AGBL1: variants seen among roughly 807,000 people sequenced by gnomAD.
AGBL1 encodes AGBL carboxypeptidase 1, also known as cytosolic carboxypeptidase 4.
In AGBL1, 130 loss-of-function variants were observed where a neutral mutation model predicts 118.9. The observed-to-expected ratio is 1.09, with a 90% CI of 0.95 to 1.26. AGBL1 has a LOEUF of 1.26. AGBL1 is among the 50% of genes most tolerant of loss of function. The pLI, the probability that AGBL1 is intolerant of heterozygous loss-of-function variation, is 0.00. For missense variants in AGBL1, 1,584 were observed against 1,298.1 expected, an observed-to-expected ratio of 1.22 and a Z score of -3.38; for synonymous variants, 555 against 478.9, an observed-to-expected ratio of 1.16 and a Z score of -2.08.
chr15:86,717,107 G>A (rs1437503192), intron 22 of AGBL1, among the ~76,000 whole-genome samples: 2 of 152,316 alleles, frequency 1.3e-5, no homozygotes, highest in Middle Eastern at 3.4e-3. Context: ...ATGGAAATAT[G>A]TCCTAGGTGA....
At chr15:86,484,267 A>T (rs769427549) in intron 18 of AGBL1, among the ~76,000 whole-genome samples, 10 of 152,070 alleles carry the variant, frequency 6.6e-5, no homozygotes, top group Non-Finnish European at 1.5e-4. Context: ...GATAGAGGAG[A>T]TGAATGAAGC....
intron 22 of AGBL1, among the ~76,000 whole-genome samples, chr15:86,765,935 G>A (rs16977964): frequency 0.089 from 13,455 of 151,918 alleles, 787 homozygotes; most frequent in Non-Finnish European, 0.12. Flanking sequence ...AGTTTAGTCA[G>A]CAACTATTTT....
intron 21 of AGBL1, among the ~76,000 whole-genome samples, chr15:86,621,939 C>T (rs928356300): frequency 1.3e-5 from 2 of 152,100 alleles, no homozygotes; most frequent in African/African-American, 4.8e-5. Flanking sequence ...CAGAGTAGGA[C>T]ATTTTTAGAG....
intron 22 of AGBL1, among the ~76,000 whole-genome samples, chr15:86,717,336 G>A (rs62031371): frequency 0.033 from 5,073 of 152,178 alleles, 107 homozygotes; most frequent in Middle Eastern, 0.054. Context: ...GGTCAGTGTG[G>A]AACATGACGA....
At chr15:86,111,173 A>G (rs938459494) in intron 1 of AGBL1, among the ~76,000 whole-genome samples, 3 of 152,228 alleles carry the variant, frequency 2.0e-5, no homozygotes, top group Non-Finnish European at 4.4e-5. Flanking sequence ...CCTAGAAGTC[A>G]GACTGTAAGT....
intron 1 of AGBL1, among the ~76,000 whole-genome samples, chr15:86,127,191 A>G (rs981816453): frequency 6.6e-6 from 1 of 152,200 alleles, no homozygotes; most frequent in Non-Finnish European, 1.5e-5. Flanking sequence ...TTATGAAGTA[A>G]TTCACTCAGA....
intron 16 of AGBL1, among the ~76,000 whole-genome samples, chr15:86,280,567 T>C (rs2079335681): frequency 6.6e-6 from 1 of 152,224 alleles, no homozygotes; most frequent in South Asian, 2.1e-4. Context: ...CAGTATCTTC[T>C]ATAAAGCACT....
At chr15:86,782,793 A>G (rs1197458867) in intron 22 of AGBL1, among the ~76,000 whole-genome samples, 1 of 152,242 alleles carries the variant, frequency 6.6e-6, no homozygotes, top group East Asian at 1.9e-4. Context: ...TTGCCTTGCA[A>G]TGGTAAAGCA....
intron 21 of AGBL1, among the ~76,000 whole-genome samples, chr15:86,629,690 G>A (rs1376149789): frequency 6.6e-6 from 1 of 152,030 alleles, no homozygotes; most frequent in African/African-American, 2.4e-5. Flanking sequence ...TGGCTTCTTG[G>A]CTCATTTCTG....
At chr15:86,423,373 C>T (rs1219826502) in intron 18 of AGBL1, among the ~76,000 whole-genome samples, 1 of 152,116 alleles carries the variant, frequency 6.6e-6, no homozygotes, top group African/African-American at 2.4e-5. Flanking sequence ...TAAAATTCAA[C>T]AACCTTTCAT....
chr15:86,899,051 G>A (rs1156434033), intron 22 of AGBL1, among the ~76,000 whole-genome samples: 1 of 152,086 alleles, frequency 6.6e-6, no homozygotes, highest in Non-Finnish European at 1.5e-5. Flanking sequence ...TATACCCAGA[G>A]GAATACAAAT....
At chr15:86,102,989 T>G (rs890625636) in intron 1 of AGBL1, among the ~76,000 whole-genome samples, 1 of 152,204 alleles carries the variant, frequency 6.6e-6, no homozygotes. Flanking sequence ...ATATGTCATG[T>G]AGGGTTTGTT....
intron 7 of AGBL1, 72 bp from the exon 8 acceptor site, chr15:86,256,781 G>A (rs983231887): frequency 8.7e-6 from 13 of 1,495,492 alleles, no homozygotes; most frequent in African/African-American, 5.5e-5. Flanking sequence ...CTTGGAGAGT[G>A]TTATTAGCTG....
intron 24 of AGBL1, among the ~76,000 whole-genome samples, chr15:87,019,933 C>CCA (rs1250615974): frequency 6.6e-6 from 1 of 151,908 alleles, no homozygotes; most frequent in Non-Finnish European, 1.5e-5. Context: ...GAGGATATCA[C>CCA]CACTGACCCC....
intron 22 of AGBL1, among the ~76,000 whole-genome samples, chr15:86,816,511 G>T (rs575350230): frequency 2.8e-4 from 43 of 152,338 alleles, no homozygotes; most frequent in African/African-American, 1.0e-3. Flanking sequence ...CATAGTTGTA[G>T]AACATTCATC....
At chr15:86,147,369 C>A (rs904594661) in intron 3 of AGBL1, among the ~76,000 whole-genome samples, 7 of 152,190 alleles carry the variant, frequency 4.6e-5, no homozygotes, top group Non-Finnish European at 8.8e-5. Flanking sequence ...GTGAGGGAAG[C>A]CCTGACAGAC....
chr15:86,667,540 C>T (rs1259831540), intron 21 of AGBL1, among the ~76,000 whole-genome samples: 2 of 152,078 alleles, frequency 1.3e-5, no homozygotes, highest in African/African-American at 4.8e-5. Context: ...AAATATTAGA[C>T]TGTTTAATTT....
intron 18 of AGBL1, among the ~76,000 whole-genome samples, chr15:86,482,293 G>A (rs895388096): frequency 1.3e-5 from 2 of 152,134 alleles, no homozygotes; most frequent in Non-Finnish European, 2.9e-5. Flanking sequence ...CAGCTGAAGG[G>A]AGCTAGAGAG....
intron 18 of AGBL1, among the ~76,000 whole-genome samples, chr15:86,486,286 T>A (rs1596177472): frequency 1.3e-5 from 2 of 152,128 alleles, no homozygotes; most frequent in African/African-American, 4.8e-5. Flanking sequence ...TTTGCCCAGT[T>A]TACCTTTCCC....
Sources: allele counts gnomAD v4.1 joint callset (sites outside exome capture counted in the v4.1 genomes callset), GRCh38; gene constraint gnomAD v4.1.1; transcripts MANE v1.5; gene names NCBI Gene and HGNC (gene_info 2026-07-23, HGNC 2026-07-21).